KCNH8: variants seen among roughly 807,000 people sequenced by gnomAD.
KCNH8 encodes voltage-gated delayed rectifier potassium channel KCNH8.
A neutral mutation model predicts 103.6 loss-of-function variants in KCNH8; 70 were observed. The observed-to-expected ratio is 0.68, with a 90% CI of 0.56 to 0.82. The LOEUF is 0.82. KCNH8 is among the 40% of genes least tolerant of loss of function. KCNH8 has a pLI of 0.00. For synonymous variants in KCNH8, 498 were observed against 489.4 expected, an observed-to-expected ratio of 1.02 and a Z score of -0.23; for missense variants, 1,217 against 1,329.9, an observed-to-expected ratio of 0.92 and a Z score of 1.32.
intron 6 of KCNH8, among the ~76,000 whole-genome samples, chr3:19,394,501 G>T (rs879596053): frequency 2.6e-5 from 4 of 151,978 alleles, no homozygotes; most frequent in Admixed American, 6.6e-5. Context: ...GAGAGAGAGA[G>T]AGAGAGCGAG....
intron 1 of KCNH8, among the ~76,000 whole-genome samples, chr3:19,173,088 T>G (rs2063363491): frequency 6.6e-6 from 1 of 152,178 alleles, no homozygotes; most frequent in African/African-American, 2.4e-5. Context: ...AATTGCCTAA[T>G]AAGTTTTTGA....
intron 7 of KCNH8, among the ~76,000 whole-genome samples, chr3:19,410,991 A>G (rs1405964439): frequency 6.6e-6 from 1 of 152,012 alleles, no homozygotes; most frequent in African/African-American, 2.4e-5. Context: ...AATTGAGGCG[A>G]AGGGATTCTC....
At chr3:19,266,850 T>A (rs1006021376) in intron 2 of KCNH8, among the ~76,000 whole-genome samples, 3 of 152,140 alleles carry the variant, frequency 2.0e-5, no homozygotes, top group Admixed American at 2.0e-4. Context: ...CATCCTTCAC[T>A]TTTCTTTCTA....
At chr3:19,405,747 A>G (rs1207873450) in intron 7 of KCNH8, among the ~76,000 whole-genome samples, 2 of 151,958 alleles carry the variant, frequency 1.3e-5, no homozygotes, top group African/African-American at 4.8e-5. Flanking sequence ...CCTGCCATTA[A>G]TTAGCCGTTT....
intron 1 of KCNH8, among the ~76,000 whole-genome samples, chr3:19,223,328 G>C (rs1416178401): frequency 6.6e-6 from 1 of 152,094 alleles, no homozygotes; most frequent in Non-Finnish European, 1.5e-5. Flanking sequence ...TAAGTCTATT[G>C]CAGACTGACA....
chr3:19,350,838 C>T lies in KCNH8; in HGVS notation c.811+2873C>T, dbSNP rs138514759. 1.6e-4 allele frequency among the ~76,000 whole-genome samples: 25 copies of T among 152,256 alleles called. 1 individual carries two copies. The East Asian group carries it at 3.7e-3, about 22-fold the overall frequency. On this transcript the variant is annotated intron_variant, in intron 5 of 15. Transcript: ENST00000328405. ...GAGCACCTCTTCTCCTCCAAAGGAA[C>T]GCACCTCCTTGCCAGCAACGGAACA...
At chr3:19,185,854 T>C (rs567613615) in intron 1 of KCNH8, among the ~76,000 whole-genome samples, 1 of 152,020 alleles carries the variant, frequency 6.6e-6, no homozygotes, top group Non-Finnish European at 1.5e-5. Flanking sequence ...ATGTAAATAT[T>C]GTTTAAAACA....
At chr3:19,220,862 T>G (rs899757918) in intron 1 of KCNH8, among the ~76,000 whole-genome samples, 1 of 152,154 alleles carries the variant, frequency 6.6e-6, no homozygotes, top group African/African-American at 2.4e-5. Context: ...AGGTAGTTCC[T>G]TTTGATGAGG....
intron 1 of KCNH8, among the ~76,000 whole-genome samples, chr3:19,231,362 G>T (rs2063992655): frequency 6.6e-6 from 1 of 152,100 alleles, no homozygotes; most frequent in African/African-American, 2.4e-5. Context: ...TCGGTATGTT[G>T]TAGATAAACT....
rs749959857 is a variant in KCNH8, at chr3:19,534,097, T to A, written c.3322T>A (p.Ter1108ArgextTer2). ...EVKDNKAINV[*>R] ...GAAAGATAACAAAGCCATAAATGTA[T>A]GATATTAGTGCCCATGATGCAGCAG... Residue 1108 changes from the stop codon to arginine (R), a stop_lost, in exon 16 of 16, where the codon TGA becomes AGA. Coordinates refer to ENST00000328405, the MANE Select transcript of KCNH8 (RefSeq NM_144633.3). The A allele has an allele frequency of 7.5e-6, 12 of 1,607,026 alleles. No homozygotes were observed. The South Asian group carries it at 1.2e-4, about 16-fold the overall frequency.
chr3:19,504,990 TATATATCTCTCTCAC>T (rs954505970), intron 11 of KCNH8, among the ~76,000 whole-genome samples: 4 of 151,036 alleles, frequency 2.6e-5, no homozygotes, highest in Non-Finnish European at 4.4e-5. Flanking sequence ...TATACACATA[TATATATCTCTCTCAC>T]ATTCATATAA....
At chr3:19,377,940 A>G (rs1460685766) in intron 5 of KCNH8, among the ~76,000 whole-genome samples, 1 of 152,234 alleles carries the variant, frequency 6.6e-6, no homozygotes, top group Non-Finnish European at 1.5e-5. Flanking sequence ...ACAATAATTC[A>G]GTGCATTATG....
chr3:19,193,888 G>A (rs1034568149), intron 1 of KCNH8, among the ~76,000 whole-genome samples: 2 of 151,710 alleles, frequency 1.3e-5, no homozygotes, highest in Non-Finnish European at 3.0e-5. Context: ...AGAGACAGTA[G>A]GTGTGAATGT....
intron 4 of KCNH8, among the ~76,000 whole-genome samples, chr3:19,343,823 C>A (rs1159407788): frequency 6.6e-6 from 1 of 151,814 alleles, no homozygotes; most frequent in Non-Finnish European, 1.5e-5. Context: ...ATGTATGAGC[C>A]CAGGGTGAGG....
intron 1 of KCNH8, among the ~76,000 whole-genome samples, chr3:19,199,798 A>G (rs961929982): frequency 2.0e-5 from 3 of 151,924 alleles, no homozygotes; most frequent in Admixed American, 6.6e-5. Flanking sequence ...AGATAGTGTT[A>G]CTGAAACATG....
chr3:19,336,495 T>C (rs1001309253), intron 3 of KCNH8, among the ~76,000 whole-genome samples: 27 of 151,954 alleles, frequency 1.8e-4, no homozygotes, highest in African/African-American at 6.5e-4. Context: ...CTTTGGTAGA[T>C]ACCATAGATA....
chr3:19,493,185 C>T (rs547057289), intron 11 of KCNH8, among the ~76,000 whole-genome samples: 1 of 152,074 alleles, frequency 6.6e-6, no homozygotes, highest in African/African-American at 2.4e-5. Context: ...AGTTTGGCCT[C>T]TTGTCTTCCT....
At chr3:19,149,351 C>G in intron 1 of KCNH8, among the ~76,000 whole-genome samples, 3 of 152,024 alleles carry the variant, frequency 2.0e-5, no homozygotes, top group Middle Eastern at 3.4e-3. Context: ...GCTAGAATAG[C>G]GTATCTTTTA....
At chr3:19,476,509 T>C (rs2067979746) in intron 11 of KCNH8, among the ~76,000 whole-genome samples, 1 of 152,140 alleles carries the variant, frequency 6.6e-6, no homozygotes. Flanking sequence ...TAGCTGACTT[T>C]ACAAGCTAAG....
Sources: gnomAD v4.1 joint callset for allele counts (sites outside exome capture counted in the v4.1 genomes callset) on GRCh38, gnomAD v4.1.1 for gene constraint, MANE v1.5 for transcripts, NCBI Gene and HGNC (gene_info 2026-07-23, HGNC 2026-07-21) for gene names.